The following NDUFAF6 variants were observed in gnomAD, a reference collection of about 807,000 sequenced individuals.
NDUFAF6 encodes the protein NADH dehydrogenase (ubiquinone) complex I, assembly factor 6.
A neutral mutation model predicts 40.8 loss-of-function variants in NDUFAF6; 45 were observed. That is an observed-to-expected ratio of 1.10 (90% CI 0.87 to 1.42). The LOEUF (loss-of-function observed/expected upper bound fraction) is 1.42, where lower values mean the gene tolerates loss of function less well. Ranked by LOEUF, NDUFAF6 falls within the 40% of genes most tolerant of loss-of-function variation. The pLI is 0.00. For synonymous variants in NDUFAF6, 185 were observed against 155.9 expected, an observed-to-expected ratio of 1.19 and a Z score of -1.39; for missense variants, 435 against 418.5, an observed-to-expected ratio of 1.04 and a Z score of -0.34.
Position 94,940,871 on chromosome 8 carries a change from T to C in NDUFAF6, c.-935-4612T>C, listed in dbSNP as rs199746482. ...AATCCATTCATCATCTTCTTTCTCA[T>C]TGAATTCTGGTTCTTGGTTGGAGGA... On this transcript the variant is annotated intron_variant, in intron 1 of 14. Coordinates refer to the NDUFAF6 transcript ENST00000396113. The C allele has an allele frequency of 1.2e-4, 190 of 1,613,768 alleles. No individual in the cohort carries two copies. The highest frequency in any genetic ancestry group is 1.6e-4 in the Non-Finnish European group (183 of 1,179,936).
chr8:95,116,052 C>T (rs979716018), intron 5 of NDUFAF6, among the ~76,000 whole-genome samples: 2 of 152,014 alleles, frequency 1.3e-5, no homozygotes, highest in African/African-American at 4.8e-5. Flanking sequence ...GCGGAAGAAT[C>T]GCTTGAACCG....
chr8:94,924,116 A>G (rs1046634789), intron 1 of NDUFAF6, among the ~76,000 whole-genome samples: 1 of 152,110 alleles, frequency 6.6e-6, no homozygotes, highest in African/African-American at 2.4e-5. Flanking sequence ...GCTGGAGTGC[A>G]GTGGTACGAT....
chr8:95,095,334 T>C (rs1464674195), intron 2 of NDUFAF6, among the ~76,000 whole-genome samples: 2 of 152,134 alleles, frequency 1.3e-5, no homozygotes, highest in African/African-American at 4.8e-5. Context: ...TTAGTACTGC[T>C]GGAGAAGGAA....
chr8:95,010,561 G>T (rs1481752572), intron 2 of NDUFAF6, among the ~76,000 whole-genome samples: 1 of 151,984 alleles, frequency 6.6e-6, no homozygotes, highest in Non-Finnish European at 1.5e-5. Flanking sequence ...TTCTCTTTAA[G>T]AGCAAAAAAG....
At chr8:94,920,717 C>A (rs976620565) in intron 1 of NDUFAF6, among the ~76,000 whole-genome samples, 1 of 152,188 alleles carries the variant, frequency 6.6e-6, no homozygotes, top group Non-Finnish European at 1.5e-5. Flanking sequence ...TATACTGGAC[C>A]CTCCACCCCC....
At chr8:95,057,060 C>T (rs1277065856) in intron 8 of NDUFAF6, among the ~76,000 whole-genome samples, 1 of 152,120 alleles carries the variant, frequency 6.6e-6, no homozygotes. Context: ...CATTAATCCC[C>T]CAGGTTCTGT....
chr8:95,118,190 G>A (rs1810173237), downstream of NDUFAF6, among the ~76,000 whole-genome samples: 1 of 152,202 alleles, frequency 6.6e-6, no homozygotes, highest in South Asian at 2.1e-4. Flanking sequence ...CACTGCATGG[G>A]TTCTGGGTTC....
chr8:95,039,025 G>C (rs1829842488), intron 3 of NDUFAF6, among the ~76,000 whole-genome samples: 1 of 150,864 alleles, frequency 6.6e-6, no homozygotes, highest in Non-Finnish European at 1.5e-5. Context: ...TGCTCAGACT[G>C]GAGTGGAGTG....
chr8:95,098,619 G>A (rs534828632), upstream of NDUFAF6, among the ~76,000 whole-genome samples: 22 of 152,170 alleles, frequency 1.4e-4, no homozygotes, highest in African/African-American at 1.9e-4. Context: ...GCAGTGAGCC[G>A]AGATCGCACC....
chr8:94,944,206 G>A (rs1821797247), intron 1 of NDUFAF6, among the ~76,000 whole-genome samples: 1 of 152,184 alleles, frequency 6.6e-6, no homozygotes, highest in Non-Finnish European at 1.5e-5. Context: ...TAAAGCCACT[G>A]GGAGGGGAGA....
intron 1 of NDUFAF6, among the ~76,000 whole-genome samples, chr8:94,933,770 AC>A (rs372305799): frequency 4.0e-5 from 5 of 125,910 alleles, no homozygotes; most frequent in African/African-American, 8.5e-5. Flanking sequence ...CTCAAAAAAA[AC>A]CCCCAAAAAA....
chr8:95,089,170 C>T (rs1746318210), intron 2 of NDUFAF6, among the ~76,000 whole-genome samples: 1 of 152,180 alleles, frequency 6.6e-6, no homozygotes, highest in South Asian at 2.1e-4. Flanking sequence ...AAGCCATCCT[C>T]CTACCTCAGC....
intron 2 of NDUFAF6, among the ~76,000 whole-genome samples, chr8:95,016,834 G>A (rs1411916116): frequency 6.6e-6 from 1 of 152,062 alleles, no homozygotes; most frequent in East Asian, 1.9e-4. Context: ...AAATAATTTG[G>A]GGTGCTTTAT....
intron 1 of NDUFAF6, among the ~76,000 whole-genome samples, chr8:94,923,055 G>T (rs1474976775): frequency 2.6e-5 from 4 of 152,170 alleles, no homozygotes; most frequent in Non-Finnish European, 5.9e-5. Flanking sequence ...GAGGTTAGCA[G>T]AACAGGCATG....
At chr8:95,042,912 C>T (rs1587099849) in intron 4 of NDUFAF6, among the ~76,000 whole-genome samples, 1 of 152,116 alleles carries the variant, frequency 6.6e-6, no homozygotes, top group Non-Finnish European at 1.5e-5. Context: ...ACAAATGGTG[C>T]TGGGACACTT....
chr8:94,957,000 A>AT (rs1823138285), upstream of NDUFAF6, among the ~76,000 whole-genome samples: 4 of 152,162 alleles, frequency 2.6e-5, no homozygotes, highest in South Asian at 8.3e-4. Flanking sequence ...GTGAAACCCC[A>AT]TCTCTACTAA....
At chr8:95,035,114 C>G (rs1829337151) in intron 2 of NDUFAF6, among the ~76,000 whole-genome samples, 1 of 152,224 alleles carries the variant, frequency 6.6e-6, no homozygotes, top group East Asian at 1.9e-4. Flanking sequence ...CTCCTGACCT[C>G]AGGTGATCCA....
At chr8:94,915,981 C>T (rs1033726281) in intron 1 of NDUFAF6, among the ~76,000 whole-genome samples, 3 of 152,040 alleles carry the variant, frequency 2.0e-5, no homozygotes, top group African/African-American at 7.3e-5. Context: ...GCAATAGAAC[C>T]CCTAATTTAG....
intron 4 of NDUFAF6, among the ~76,000 whole-genome samples, chr8:95,108,942 G>A (rs1444643513): frequency 1.3e-5 from 2 of 152,092 alleles, no homozygotes; most frequent in African/African-American, 4.8e-5. Context: ...AATAAAAATA[G>A]ATAGATAAAT....
Sources: gnomAD v4.1 joint callset for allele counts (sites outside exome capture counted in the v4.1 genomes callset) on GRCh38, gnomAD v4.1.1 for gene constraint, MANE v1.5 for transcripts, NCBI Gene and HGNC (gene_info 2026-07-23, HGNC 2026-07-21) for gene names.